Variants in SATB2 observed in about 807,000 individuals in gnomAD.
SATB2 encodes SATB homeobox 2, also known as DNA-binding protein SATB2.
SATB2 carries 1 observed loss-of-function variant against 73.4 expected under a neutral mutation model. The observed-to-expected ratio is 0.01, with a 90% CI of 0.00 to 0.06. The LOEUF (loss-of-function observed/expected upper bound fraction) is 0.06, where lower values mean the gene tolerates loss of function less well. SATB2 is among the 10% of genes least tolerant of loss of function. SATB2 has a pLI of 1.00. For synonymous variants in SATB2, 397 were observed against 367.0 expected (o/e 1.08, Z -0.93); for missense variants, 459 against 945.8 (o/e 0.49, Z 6.75).
chr2:199,270,054 G>A lies in SATB2; in HGVS notation c.*2157C>T, dbSNP rs921219938. 6.5e-6 allele frequency: 1 copy of A among 152,856 alleles called. No homozygotes were observed. The highest frequency in any genetic ancestry group is 1.9e-4 in the East Asian group (1 of 5,320). The allele number at this position is 152,856 out of a possible 1,614,324, so 9.5% of individuals were successfully genotyped here. A position where few individuals can be genotyped will look rare whatever the true frequency, so the allele number is the denominator to read the frequency against. On this transcript the variant is annotated 3_prime_UTR_variant, in exon 11 of 11. Transcript: ENST00000417098. ...GTGTACAGAGTGACCTTCAGCAACAGTGTAAGAAGACAATTTGGAAAGAGT... is the reference window on the plus strand; with the variant it reads ...GTGTACAGAGTGACCTTCAGCAACAATGTAAGAAGACAATTTGGAAAGAGT...
chr2:199,468,831 C>T (rs1692646813), upstream of SATB2: 1 of 152,340 alleles, frequency 6.6e-6, no homozygotes, highest in African/African-American at 2.4e-5. Flanking sequence ...GTCATCACGC[C>T]CGAGTATTTG....
At chr2:199,386,884 T>C (rs1689980393) in intron 3 of SATB2, among the ~76,000 whole-genome samples, 1 of 152,266 alleles carries the variant, frequency 6.6e-6, no homozygotes, top group East Asian at 1.9e-4. Context: ...TATTCACTTC[T>C]AGAAACTGTC....
In SATB2 at chr2:199,408,629, A is replaced by G. The variant is rs187506672; in HGVS notation, c.346+24709T>C. ...CAACAACTTAATACAACATGAAAGG[A>G]GAGAAAAGAGACCAAATGTATACAA... On this transcript the variant is annotated intron_variant, in intron 3 of 10. Coordinates refer to ENST00000417098, the MANE Select transcript of SATB2 (RefSeq NM_001172509.2). Among the ~76,000 whole-genome samples the G allele has an allele frequency of 4.3e-4, 66 of 151,790 alleles. 1 individual carries two copies. The East Asian group carries it at 0.012, about 28-fold the overall frequency.
At chr2:199,278,710 T>C (rs995574891) in intron 10 of SATB2, among the ~76,000 whole-genome samples, 1 of 152,214 alleles carries the variant, frequency 6.6e-6, no homozygotes, top group Non-Finnish European at 1.5e-5. Context: ...GTTTGTAATA[T>C]AGCACTGGAT....
upstream of SATB2, among the ~76,000 whole-genome samples, chr2:199,467,913 G>A (rs1391658727): frequency 1.3e-5 from 2 of 152,098 alleles, no homozygotes; most frequent in East Asian, 1.9e-4. Flanking sequence ...TGCGATTCTG[G>A]CCTGGGAAGC....
intron 6 of SATB2, among the ~76,000 whole-genome samples, chr2:199,352,807 A>C (rs1688857972): frequency 6.6e-6 from 1 of 152,150 alleles, no homozygotes; most frequent in African/African-American, 2.4e-5. Context: ...TTTGAAAAAC[A>C]AAAAATCTGG....
chr2:199,443,404 G>A (rs1691875894), intron 2 of SATB2, among the ~76,000 whole-genome samples: 1 of 152,040 alleles, frequency 6.6e-6, no homozygotes, highest in Non-Finnish European at 1.5e-5. Flanking sequence ...CATAGCACAA[G>A]CATGTTTTCT....
chr2:199,362,643 A>C (rs532837809), intron 6 of SATB2, among the ~76,000 whole-genome samples: 1 of 152,326 alleles, frequency 6.6e-6, no homozygotes, highest in Admixed American at 6.5e-5. Flanking sequence ...CTTGTGAGGA[A>C]GAAAAAGGTA....
chr2:199,288,404 A>C (rs549790942), intron 10 of SATB2, among the ~76,000 whole-genome samples: 53 of 152,330 alleles, frequency 3.5e-4, no homozygotes, highest in African/African-American at 1.3e-3. Context: ...TCAATTATTT[A>C]AGGAGAAAGC....
chr2:199,366,703 A>G (rs1689294324), intron 6 of SATB2, among the ~76,000 whole-genome samples: 1 of 151,782 alleles, frequency 6.6e-6, no homozygotes, highest in Non-Finnish European at 1.5e-5. Flanking sequence ...GTATGTGTAC[A>G]CAGTGTCTGA....
At chr2:199,319,482 G>C (rs572251459) in intron 9 of SATB2, among the ~76,000 whole-genome samples, 1 of 151,972 alleles carries the variant, frequency 6.6e-6, no homozygotes, top group Non-Finnish European at 1.5e-5. Context: ...AAACCAGGCC[G>C]TCTTTTTCCC....
intron 10 of SATB2, among the ~76,000 whole-genome samples, chr2:199,303,574 C>T (rs1379988304): frequency 6.6e-6 from 1 of 152,068 alleles, no homozygotes; most frequent in African/African-American, 2.4e-5. Context: ...TGGGGGGTTG[C>T]CCTGTGCATG....
chr2:199,385,822 T>C (rs1689914214), intron 3 of SATB2, among the ~76,000 whole-genome samples: 1 of 152,020 alleles, frequency 6.6e-6, no homozygotes. Flanking sequence ...AGGTCTGGAG[T>C]CAAAGATGAG....
chr2:199,317,321 C>G (rs1028711330), intron 9 of SATB2, among the ~76,000 whole-genome samples: 2 of 152,002 alleles, frequency 1.3e-5, no homozygotes, highest in Non-Finnish European at 2.9e-5. Flanking sequence ...TCATAGATAC[C>G]AACATTCTCC....
intron 3 of SATB2, among the ~76,000 whole-genome samples, chr2:199,419,841 G>A (rs1691112279): frequency 6.6e-6 from 1 of 152,094 alleles, no homozygotes; most frequent in African/African-American, 2.4e-5. Flanking sequence ...TAAGTAGAAT[G>A]CATTTGTAAT....
chr2:199,461,014 T>C (rs180941988), upstream of SATB2, among the ~76,000 whole-genome samples: 1 of 152,226 alleles, frequency 6.6e-6, no homozygotes, highest in Non-Finnish European at 1.5e-5. Context: ...AAAAAATCTA[T>C]CATGTTAGGA....
At chr2:199,447,088 C>T (rs1691985800) in intron 2 of SATB2, among the ~76,000 whole-genome samples, 1 of 152,060 alleles carries the variant, frequency 6.6e-6, no homozygotes, top group African/African-American at 2.4e-5. Context: ...AGTCAAGGTT[C>T]CCGGGTGAAC....
chr2:199,383,048 A>G (rs182302863), intron 3 of SATB2, among the ~76,000 whole-genome samples: 31 of 152,320 alleles, frequency 2.0e-4, no homozygotes, highest in Admixed American at 1.6e-3. Context: ...TGAATGCGCA[A>G]TGCTTGACAT....
intron 6 of SATB2, among the ~76,000 whole-genome samples, chr2:199,360,569 G>T (rs937438656): frequency 2.0e-5 from 3 of 151,968 alleles, no homozygotes; most frequent in Non-Finnish European, 2.9e-5. Context: ...ACATCTCCTT[G>T]CCCTTCTCCC....
Sources: gnomAD v4.1 joint callset for allele counts (sites outside exome capture counted in the v4.1 genomes callset) on GRCh38, gnomAD v4.1.1 for gene constraint, MANE v1.5 for transcripts, NCBI Gene and HGNC (gene_info 2026-07-23, HGNC 2026-07-21) for gene names.